SOBP: variants seen among roughly 807,000 people sequenced by gnomAD.
SOBP encodes sine oculis-binding protein homolog.
SOBP carries 4 observed loss-of-function variants against 53.6 expected under a neutral mutation model. The ratio of observed to expected loss-of-function variants is 0.07; its 90% CI spans 0.04 to 0.17. SOBP has a LOEUF of 0.17. Ranked by LOEUF, SOBP falls within the 10% of genes least tolerant of loss-of-function variation. The pLI is 1.00. For synonymous variants in SOBP, 584 were observed against 522.6 expected (o/e 1.12, Z -1.60); for missense variants, 1,088 against 1,204.7 (o/e 0.90, Z 1.43).
intron 4 of SOBP, among the ~76,000 whole-genome samples, chr6:107,569,642 C>T (rs1336056141): frequency 1.3e-5 from 2 of 152,196 alleles, no homozygotes; most frequent in Admixed American, 6.5e-5. Context: ...AATTTGCAAG[C>T]GTTTGCAGCA....
chr6:107,577,839 C>T lies in SOBP; in HGVS notation c.574-9241C>T, dbSNP rs140946558. Among the ~76,000 whole-genome samples the T allele has an allele frequency of 9.2e-5, 14 of 152,014 alleles. No individual in the cohort carries two copies. In the East Asian group the frequency reaches 2.5e-3, roughly 27 times the overall value. ...CTGTAATCCCAGCACTTTGGGAGGC[C>T]GAGGCAGGTGGATCACGAAGTCAGG... On this transcript the variant is annotated intron_variant, in intron 4 of 6. Transcript: ENST00000317357.
At chr6:107,645,939 G>A (rs1468301052) in intron 6 of SOBP, among the ~76,000 whole-genome samples, 2 of 152,220 alleles carry the variant, frequency 1.3e-5, no homozygotes, top group African/African-American at 2.4e-5. Context: ...ACCACAGAGG[G>A]TGAGAAGCAT....
At chr6:107,569,619 CAGA>C (rs905962085) in intron 4 of SOBP, among the ~76,000 whole-genome samples, 6 of 152,200 alleles carry the variant, frequency 3.9e-5, no homozygotes, top group Non-Finnish European at 7.3e-5. Context: ...TTTTACTGCA[CAGA>C]AGGTTTCCCA....
rs978399192 is a variant in SOBP at position 107,506,301 on chromosome 6, A to C, written c.295A>C (p.Ser99Arg). 6.2e-7 allele frequency: 1 copy of C among 1,614,246 alleles called. No homozygotes were observed. ...EDSVISPYNI[S>R]TGYSGLATGN... ...CAGTGTTATTTCACCATACAATATA[A>C]GCACAGGCTATTCAGGGCTTGCCAC... The change falls in exon 3 of 7, where the codon AGC (serine) becomes CGC (arginine). Residue 99 changes from serine (S) to arginine (R), a missense_variant. Ser to Arg is a moderately radical substitution (Grantham distance 110, BLOSUM62 -1). Coordinates refer to ENST00000317357, the MANE Select transcript of SOBP (RefSeq NM_018013.4).
intron 3 of SOBP, 141 bp downstream of exon 3, chr6:107,506,568 C>T (rs1782999968): frequency 2.3e-6 from 2 of 872,266 alleles, no homozygotes; most frequent in East Asian, 5.1e-5. Context: ...TTAATACAGG[C>T]ATCACTTAGA....
rs202173054 is a variant in SOBP, at chr6:107,589,029, T to G, written c.669+1854T>G. ...TTATGAAGCCCTGAGAAGTTATGCT[T>G]CTATATGAAAGAGACTTGTTCATTC... is the stretch of plus-strand genomic sequence containing the variant. On this transcript the variant is annotated intron_variant, in intron 5 of 6. Transcript: ENST00000317357. Among the ~76,000 whole-genome samples, 3 of 152,344 alleles carry G rather than the reference T, an allele frequency of 2.0e-5. No individual in the cohort carries two copies. In the East Asian group the frequency reaches 5.8e-4, roughly 29 times the overall value.
At chr6:107,523,733 G>T (rs1301560649) in intron 3 of SOBP, among the ~76,000 whole-genome samples, 1 of 152,216 alleles carries the variant, frequency 6.6e-6, no homozygotes, top group African/African-American at 2.4e-5. Flanking sequence ...CAGTGGAGAT[G>T]CTTACACCTG....
At chr6:107,551,154 C>T (rs972574552) in intron 4 of SOBP, among the ~76,000 whole-genome samples, 5 of 152,148 alleles carry the variant, frequency 3.3e-5, no homozygotes, top group African/African-American at 1.2e-4. Context: ...AGTTAAGTGA[C>T]TTGCAGGGGC....
chr6:107,598,638 G>A (rs1326995617), intron 5 of SOBP, among the ~76,000 whole-genome samples: 1 of 152,180 alleles, frequency 6.6e-6, no homozygotes, highest in Non-Finnish European at 1.5e-5. Flanking sequence ...ACCTGAGCCA[G>A]GAAGTACTGT....
chr6:107,505,277 A>C (rs1411131458), intron 2 of SOBP, among the ~76,000 whole-genome samples: 1 of 151,886 alleles, frequency 6.6e-6, no homozygotes. Context: ...GCTGTATATC[A>C]TGTTGTACAT....
intron 6 of SOBP, among the ~76,000 whole-genome samples, chr6:107,656,239 A>G (rs846981): frequency 0.31 from 46,666 of 151,430 alleles, 9,961 homozygotes; most frequent in East Asian, 0.57. Context: ...TGGTGCTTTT[A>G]TTTTTGTATC....
At chr6:107,615,232 C>T (rs1190129643) in intron 5 of SOBP, among the ~76,000 whole-genome samples, 1 of 152,050 alleles carries the variant, frequency 6.6e-6, no homozygotes, top group Non-Finnish European at 1.5e-5. Flanking sequence ...AGGACATAAA[C>T]ACAGAGGAAG....
chr6:107,633,760 G>T lies in SOBP; in HGVS notation c.916G>T (p.Asp306Tyr). The T allele has an allele frequency of 6.2e-7, 1 of 1,614,222 alleles. No individual in the cohort carries two copies. The highest frequency in any genetic ancestry group is 8.5e-7 in the Non-Finnish European group (1 of 1,180,042). Residue 306 changes from aspartate to tyrosine, a missense_variant, in exon 6 of 7, where the codon GAT (aspartate) becomes TAT (tyrosine). Asp to Tyr is a radical substitution (Grantham distance 160). Transcript: ENST00000317357. ...TPDSWNIPLT[D>Y]ARRKAPSPVA... ...AGACTCTTGGAATATCCCGCTAACA[G>T]ATGCTCGGAGGAAGGCCCCCTCCCC... is the stretch of plus-strand genomic sequence containing the variant.
At chr6:107,509,408 A>C (rs1376796371) in intron 3 of SOBP, among the ~76,000 whole-genome samples, 1 of 151,664 alleles carries the variant, frequency 6.6e-6, no homozygotes, top group African/African-American at 2.4e-5. Context: ...AAAAAAAAAA[A>C]AACAAAACAA....
chr6:107,504,551 T>C (rs545196477), intron 2 of SOBP, among the ~76,000 whole-genome samples: 1 of 152,298 alleles, frequency 6.6e-6, no homozygotes, highest in Admixed American at 6.5e-5. Flanking sequence ...AAGAGAAGTA[T>C]GTGAAGAAGC....
At chr6:107,632,570 A>G (rs1583292116) in intron 5 of SOBP, among the ~76,000 whole-genome samples, 1 of 152,226 alleles carries the variant, frequency 6.6e-6, no homozygotes, top group Non-Finnish European at 1.5e-5. Context: ...TGGTGTTGCA[A>G]AATTAATGTG....
At chr6:107,618,318 G>A (rs1786873569) in intron 5 of SOBP, among the ~76,000 whole-genome samples, 1 of 152,152 alleles carries the variant, frequency 6.6e-6, no homozygotes, top group African/African-American at 2.4e-5. Flanking sequence ...GGTTTATTAG[G>A]CCATGAAGTA....
chr6:107,606,532 A>G (rs1442364519), intron 5 of SOBP, among the ~76,000 whole-genome samples: 1 of 152,146 alleles, frequency 6.6e-6, no homozygotes, highest in Non-Finnish European at 1.5e-5. Flanking sequence ...CACTGCTTCT[A>G]GATATTTGAT....
chr6:107,599,905 A>C (rs1339309034), intron 5 of SOBP, among the ~76,000 whole-genome samples: 2 of 152,238 alleles, frequency 1.3e-5, no homozygotes, highest in Non-Finnish European at 2.9e-5. Context: ...ACAAAAATCC[A>C]CAAGAATGTG....
Sources: gnomAD v4.1 joint callset for allele counts (sites outside exome capture counted in the v4.1 genomes callset) on GRCh38, gnomAD v4.1.1 for gene constraint, MANE v1.5 for transcripts, NCBI Gene and HGNC (gene_info 2026-07-23, HGNC 2026-07-21) for gene names.